KDM4D: variants seen among roughly 807,000 people sequenced by gnomAD.
KDM4D encodes the protein lysine-specific demethylase 4D.
For missense variants in KDM4D, 427 were observed against 674.8 expected (o/e 0.63, Z 4.07); for synonymous variants, 254 against 249.1 (o/e 1.02, Z -0.19).
Position 94,984,113 on chromosome 11 carries a change from A to G in KDM4D, c.-350+8365A>G, listed in dbSNP as rs117828345. Among the ~76,000 whole-genome samples, 1,516 of 152,334 alleles carry G rather than the reference A, an allele frequency of 1.0e-2. 14 individuals carry two copies. Among genetic ancestry groups the G allele is most frequent in the South Asian group, 0.045 (217 of 4,834 alleles). The stretch of plus-strand genomic sequence containing the variant: ...ATATATAGTGTATGTATGTGTATGT[A>G]TGTATATATACATATGTGTACCTAT... On this transcript the variant is annotated intron_variant, in intron 2 of 2. Coordinates refer to ENST00000335080, the MANE Select transcript of KDM4D (RefSeq NM_018039.3).
intron 2 of KDM4D, among the ~76,000 whole-genome samples, chr11:94,987,928 A>G (rs1857901934): frequency 2.1e-5 from 1 of 46,776 alleles, no homozygotes; most frequent in African/African-American, 5.8e-5. Flanking sequence ...TAGAGGATCA[A>G]TCAAGAGGTT....
In KDM4D at chr11:94,979,684, A is replaced by C. The variant is rs887330882; in HGVS notation, c.-350+3936A>C. 2.0e-5 allele frequency among the ~76,000 whole-genome samples: 3 copies of C among 152,314 alleles called. No individual in the cohort carries two copies. In the East Asian group the frequency reaches 5.8e-4, roughly 29 times the overall value. On this transcript the variant is annotated intron_variant, in intron 2 of 2. Coordinates refer to ENST00000335080, the MANE Select transcript of KDM4D (RefSeq NM_018039.3). ...TATCTGTAGCTCTGATATACTATTT[A>C]GAGTTTCATTGTATAAAAATACACA...
At chr11:94,983,873 G>C (rs1474373351) in intron 2 of KDM4D, among the ~76,000 whole-genome samples, 6 of 152,124 alleles carry the variant, frequency 3.9e-5, no homozygotes, top group African/African-American at 1.4e-4. Context: ...TATTAGGATA[G>C]CCACTAGGTA....
At chr11:94,989,708 G>C (rs1857917405) in intron 2 of KDM4D, among the ~76,000 whole-genome samples, 1 of 150,912 alleles carries the variant, frequency 6.6e-6, no homozygotes, top group Non-Finnish European at 1.5e-5. Flanking sequence ...AAAAGGTACA[G>C]GAAAAGTTGC....
intron 2 of KDM4D, among the ~76,000 whole-genome samples, chr11:94,989,628 C>T (rs1445361076): frequency 6.6e-6 from 1 of 152,136 alleles, no homozygotes; most frequent in African/African-American, 2.4e-5. Flanking sequence ...GTGTCTTTCT[C>T]CTTTATATCC....
At chr11:94,978,095 C>G (rs587729529) in intron 2 of KDM4D, among the ~76,000 whole-genome samples, 30 of 152,142 alleles carry the variant, frequency 2.0e-4, no homozygotes, top group African/African-American at 7.2e-4. Flanking sequence ...TGAAAAAAAT[C>G]ATATGAGATC....
intron 2 of KDM4D, among the ~76,000 whole-genome samples, chr11:94,985,676 C>G (rs1555098052): frequency 6.6e-6 from 1 of 152,036 alleles, no homozygotes; most frequent in African/African-American, 2.4e-5. Context: ...TTTTCTATTT[C>G]AGACCTTACT....
chr11:94,986,565 C>T (rs1466387452), intron 2 of KDM4D, among the ~76,000 whole-genome samples: 1 of 152,128 alleles, frequency 6.6e-6, no homozygotes, highest in Non-Finnish European at 1.5e-5. Context: ...CACTGCACTC[C>T]AACCTGGGCA....
rs1428434692 is a variant in KDM4D, at chr11:94,975,700, G to T, written c.-398G>T. 2.0e-5 allele frequency: 3 copies of T among 151,974 alleles called. No individual in the cohort carries two copies. Among genetic ancestry groups the T allele is most frequent in the Non-Finnish European group, 4.4e-5 (3 of 68,018 alleles). 9.4% of individuals were successfully genotyped at this position (151,974 alleles called of 1,614,324 possible). On this transcript the variant is annotated 5_prime_UTR_variant, in exon 2 of 3. Coordinates refer to ENST00000335080, the MANE Select transcript of KDM4D (RefSeq NM_018039.3). ...GGAACCTTGTCTCTCTTGTTCACTG[G>T]GTGTATCCTCTGCATATAGAACAGT...
chr11:94,979,629 T>C (rs1857827901), intron 2 of KDM4D, among the ~76,000 whole-genome samples: 1 of 152,228 alleles, frequency 6.6e-6, no homozygotes, highest in Admixed American at 6.5e-5. Context: ...CCTTTATGTT[T>C]TTGCTTTATT....
chr11:94,998,616 C>G lies in KDM4D; in HGVS notation c.1244C>G (p.Ala415Gly). 6.2e-7 allele frequency: 1 copy of G among 1,614,190 alleles called. No homozygotes were observed. The highest frequency in any genetic ancestry group is 8.5e-7 in the Non-Finnish European group (1 of 1,180,046). Reference sequence around the variant, plus strand: ...CGCCGATCTGCAGTTAGTGGCACTGCTACGCAGCCCCGGGCTGCTGCTGTC... The same window carrying G: ...CGCCGATCTGCAGTTAGTGGCACTGGTACGCAGCCCCGGGCTGCTGCTGTC... ...LPRRSAVSGT[A>G]TQPRAAAVHS... The change falls in exon 3 of 3, where the codon GCT (alanine) becomes GGT (glycine). Residue 415 changes from alanine to glycine, a missense_variant. Coordinates refer to ENST00000335080, the MANE Select transcript of KDM4D (RefSeq NM_018039.3). The surrounding 1 kb of genome is among the most constrained non-coding windows in gnomAD (Gnocchi z 6.7).
At chr11:94,982,157 T>C (rs1296475664) in intron 2 of KDM4D, among the ~76,000 whole-genome samples, 3 of 151,934 alleles carry the variant, frequency 2.0e-5, no homozygotes, top group African/African-American at 7.2e-5. Flanking sequence ...CTTCATTGTT[T>C]GTGGTCAAAT....
chr11:94,976,751 G>A (rs1455517750), intron 2 of KDM4D, among the ~76,000 whole-genome samples: 1 of 152,074 alleles, frequency 6.6e-6, no homozygotes, highest in African/African-American at 2.4e-5. Context: ...TTTATGGCAG[G>A]AGTAGCATAG....
At chr11:94,982,697 G>T (rs1241381253) in intron 2 of KDM4D, among the ~76,000 whole-genome samples, 1 of 151,704 alleles carries the variant, frequency 6.6e-6, no homozygotes, top group Non-Finnish European at 1.5e-5. Context: ...GGTTTGAAAA[G>T]GGATGTAAGA....
chr11:94,992,755 G>C (rs1857945937), intron 2 of KDM4D, among the ~76,000 whole-genome samples: 1 of 152,118 alleles, frequency 6.6e-6, no homozygotes, highest in Admixed American at 6.5e-5. Flanking sequence ...AAGTAAAAGT[G>C]ATTAGTAATA....
chr11:94,984,610 C>CT (rs1857869054), intron 2 of KDM4D, among the ~76,000 whole-genome samples: 1 of 150,844 alleles, frequency 6.6e-6, no homozygotes, highest in Admixed American at 6.6e-5. Context: ...CATCCCAGCA[C>CT]TTTGGGAAGC....
intron 2 of KDM4D, among the ~76,000 whole-genome samples, chr11:94,977,384 C>G (rs1857806441): frequency 6.6e-6 from 1 of 152,150 alleles, no homozygotes; most frequent in African/African-American, 2.4e-5. Context: ...TACCCTTTCC[C>G]CTACCTCTTT....
intron 2 of KDM4D, among the ~76,000 whole-genome samples, chr11:94,976,702 AG>A (rs1857800083): frequency 6.6e-6 from 1 of 152,180 alleles, no homozygotes; most frequent in Non-Finnish European, 1.5e-5. Context: ...TAAATGTGAA[AG>A]GGATGTAGTT....
intron 2 of KDM4D, among the ~76,000 whole-genome samples, chr11:94,985,432 T>C (rs959209145): frequency 6.6e-6 from 1 of 152,180 alleles, no homozygotes; most frequent in Non-Finnish European, 1.5e-5. Flanking sequence ...CTAGAAAATA[T>C]TGTTAAGCTA....
Sources: gnomAD v4.1 joint callset for allele counts (sites outside exome capture counted in the v4.1 genomes callset) on GRCh38, gnomAD v4.1.1 for gene constraint, Gnocchi (gnomAD v3.1) non-coding constraint, MANE v1.5 for transcripts, NCBI Gene and HGNC (gene_info 2026-07-23, HGNC 2026-07-21) for gene names.